The following NFIB variants were observed in gnomAD, a reference collection of about 807,000 sequenced individuals.
NFIB encodes the protein nuclear factor 1 B-type.
Under a neutral mutation model 61.5 loss-of-function variants are expected in NFIB, and 11 were observed. That is an observed-to-expected ratio of 0.18 (90% CI 0.11 to 0.30). The LOEUF is 0.30. Among genes scored for constraint, NFIB ranks in the 10% least tolerant of loss-of-function variants. The pLI, the probability that NFIB is intolerant of heterozygous loss-of-function variation, is 1.00. For missense variants in NFIB, 471 were observed against 608.9 expected, an observed-to-expected ratio of 0.77 and a Z score of 2.38; for synonymous variants, 260 against 216.5, an observed-to-expected ratio of 1.20 and a Z score of -1.76.
chr9:14,380,547 G>A (rs1187616542), intron 1 of NFIB, among the ~76,000 whole-genome samples: 1 of 152,184 alleles, frequency 6.6e-6, no homozygotes, highest in Non-Finnish European at 1.5e-5. Flanking sequence ...AGAACACTGA[G>A]TATACATGGG....
intron 1 of NFIB, chr9:14,322,452 C>T (rs2060685701): frequency 4.3e-6 from 1 of 231,306 alleles, no homozygotes; most frequent in East Asian, 6.1e-5. Flanking sequence ...CTTCCCCGCC[C>T]TCGGATTGGC....
At chr9:14,126,187 T>A (rs537943472) in intron 6 of NFIB, among the ~76,000 whole-genome samples, 55 of 152,344 alleles carry the variant, frequency 3.6e-4, no homozygotes, top group Non-Finnish European at 6.8e-4. Flanking sequence ...GGTCACGATA[T>A]CACTGATTTC....
intron 1 of NFIB, among the ~76,000 whole-genome samples, chr9:14,377,611 T>C (rs570552582): frequency 6.6e-5 from 10 of 152,176 alleles, no homozygotes; most frequent in Non-Finnish European, 1.2e-4. Context: ...GAATACTGTA[T>C]TTTTGAAAGA....
chr9:14,347,835 ATTAGATTCTCTCGC>A (rs1475082704), intron 1 of NFIB, among the ~76,000 whole-genome samples: 1 of 151,906 alleles, frequency 6.6e-6, no homozygotes, highest in Non-Finnish European at 1.5e-5. Context: ...CCAAGGCGGG[ATTAGATTCTCTCGC>A]CGAGGGTCCC....
intron 2 of NFIB, among the ~76,000 whole-genome samples, chr9:14,284,538 C>G (rs185722334): frequency 6.6e-6 from 1 of 152,110 alleles, no homozygotes; most frequent in East Asian, 1.9e-4. Flanking sequence ...ACTCAAAATT[C>G]AAAAGTTTTT....
intron 6 of NFIB, among the ~76,000 whole-genome samples, chr9:14,137,828 C>A (rs2041240038): frequency 6.6e-6 from 1 of 152,052 alleles, no homozygotes; most frequent in African/African-American, 2.4e-5. Context: ...TTATTACTAT[C>A]TTATTAAATG....
rs578123085 is a variant in NFIB, at chr9:14,111,051, G to A, written c.1467+1948C>T. ...TTAACTATAGTTGACTGAACAAAACGTATTCACATTGTAAGTGGTCTCGAT... is the reference window on the plus strand; with the variant it reads ...TTAACTATAGTTGACTGAACAAAACATATTCACATTGTAAGTGGTCTCGAT... On this transcript the variant is annotated intron_variant, in intron 10 of 10. Coordinates refer to ENST00000380953, the MANE Select transcript of NFIB (RefSeq NM_001190737.2). 8.5e-5 allele frequency among the ~76,000 whole-genome samples: 13 copies of A among 152,104 alleles called. No homozygotes were observed. In the South Asian group the frequency reaches 1.0e-3, roughly 12 times the overall value.
intron 6 of NFIB, among the ~76,000 whole-genome samples, chr9:14,131,656 C>G (rs992343924): frequency 6.6e-6 from 1 of 152,190 alleles, no homozygotes; most frequent in Non-Finnish European, 1.5e-5. Context: ...TGTGCAGAAA[C>G]GTGTTTACGT....
intron 2 of NFIB, among the ~76,000 whole-genome samples, chr9:14,200,114 AG>A (rs1395934584): frequency 1.3e-5 from 2 of 152,184 alleles, no homozygotes; most frequent in Middle Eastern, 3.2e-3. Flanking sequence ...GGGTGTGCTC[AG>A]TAGTTGGGCA....
chr9:14,109,551 A>T (rs576364167), intron 10 of NFIB, among the ~76,000 whole-genome samples: 32 of 152,246 alleles, frequency 2.1e-4, no homozygotes, highest in African/African-American at 6.7e-4. Flanking sequence ...AAGTTAAAGA[A>T]GAATGAAGCT....
the NFIB span, among the ~76,000 whole-genome samples, chr9:14,425,013 A>C: frequency 3.3e-5 from 5 of 152,286 alleles, no homozygotes; most frequent in African/African-American, 1.2e-4. Context: ...ACAAGGAAGG[A>C]GTAGTGAGTA....
chr9:14,501,804 T>C, the NFIB span, among the ~76,000 whole-genome samples: 1 of 152,216 alleles, frequency 6.6e-6, no homozygotes, highest in South Asian at 2.1e-4. Flanking sequence ...ACCAGAGAAT[T>C]TACCTTCCTC....
the NFIB span, among the ~76,000 whole-genome samples, chr9:14,471,175 C>G: frequency 6.6e-6 from 1 of 152,334 alleles, no homozygotes; most frequent in South Asian, 2.1e-4. Flanking sequence ...GCAACAATCT[C>G]AAAATCACTG....
At chr9:14,476,486 T>A in the NFIB span, among the ~76,000 whole-genome samples, 1 of 152,180 alleles carries the variant, frequency 6.6e-6, no homozygotes, top group African/African-American at 2.4e-5. Context: ...TGCTTTCCAT[T>A]AATAAGCTGT....
chr9:14,498,821 CCCTTCCTCCCTTCCTT>C, the NFIB span, among the ~76,000 whole-genome samples: 39 of 90,694 alleles, frequency 4.3e-4, no homozygotes, highest in Non-Finnish European at 6.8e-4. Context: ...CTCCCTTCCT[CCCTTCCTCCCTTCCTT>C]CCTTCCTTCC....
the NFIB span, among the ~76,000 whole-genome samples, chr9:14,455,677 A>T: frequency 2.0e-5 from 3 of 152,190 alleles, no homozygotes; most frequent in African/African-American, 7.2e-5. Context: ...TACTTCAGAA[A>T]ATGTACCATC....
At chr9:14,094,314 C>T (rs1376973886) in intron 10 of NFIB, 18 of 152,134 alleles carry the variant, frequency 1.2e-4, no homozygotes, top group Middle Eastern at 3.4e-3. Context: ...ATTCTTGAGC[C>T]CAAAATTCAG....
rs1298855113 is a variant in NFIB, at chr9:14,083,159, T to G, written c.*5150A>C. 4.6e-6 allele frequency: 1 copy of G among 219,650 alleles called. No homozygotes were observed. The highest frequency in any genetic ancestry group is 9.1e-6 in the Non-Finnish European group (1 of 109,846). The allele number at this position is 219,650 out of a possible 1,614,324, so 13.6% of individuals were successfully genotyped here. ...AAATTGCAACAAAAAATGTAAAAATTGACCGTCTCCAACTTGTCCCCTTTA... is the reference window on the plus strand; with the variant it reads ...AAATTGCAACAAAAAATGTAAAAATGGACCGTCTCCAACTTGTCCCCTTTA... On this transcript the variant is annotated 3_prime_UTR_variant, in exon 11 of 11. Coordinates refer to ENST00000380953, the MANE Select transcript of NFIB (RefSeq NM_001190737.2).
intron 10 of NFIB, among the ~76,000 whole-genome samples, chr9:14,100,871 A>G (rs2118820786): frequency 6.6e-6 from 1 of 152,376 alleles, no homozygotes; most frequent in South Asian, 2.1e-4. Flanking sequence ...ATTTACAAAC[A>G]TGAGTACACG....
Sources: allele counts gnomAD v4.1 joint callset (sites outside exome capture counted in the v4.1 genomes callset), GRCh38; gene constraint gnomAD v4.1.1; transcripts MANE v1.5; gene names NCBI Gene and HGNC (gene_info 2026-07-23, HGNC 2026-07-21).